GLDN: variants seen among roughly 807,000 people sequenced by gnomAD.
The protein encoded by GLDN is collomin.
GLDN carries 47 observed loss-of-function variants against 56.5 expected under a neutral mutation model. The ratio of observed to expected loss-of-function variants is 0.83; its 90% confidence interval spans 0.66 to 1.06. The LOEUF is 1.06. Among genes scored for constraint, GLDN ranks in the 50% least tolerant of loss-of-function variants. The pLI is 0.00. For missense variants in GLDN, 782 were observed against 714.3 expected, an observed-to-expected ratio of 1.09 and a Z score of -1.08; for synonymous variants, 332 against 278.8, an observed-to-expected ratio of 1.19 and a Z score of -1.90.
At chr15:51,373,815 C>G (rs1281060806) in intron 1 of GLDN, among the ~76,000 whole-genome samples, 2 of 152,232 alleles carry the variant, frequency 1.3e-5, no homozygotes, top group Non-Finnish European at 2.9e-5. Flanking sequence ...TCTAAGGACT[C>G]TTCCAGCTTC....
chr15:51,396,064 A>G (rs1346283507), intron 5 of GLDN, among the ~76,000 whole-genome samples: 1 of 152,188 alleles, frequency 6.6e-6, no homozygotes, highest in African/African-American at 2.4e-5. Context: ...CCCCACCTCC[A>G]ACACTGGGGA....
At chr15:51,342,358 A>T (rs907082127) in intron 1 of GLDN, among the ~76,000 whole-genome samples, 2 of 152,178 alleles carry the variant, frequency 1.3e-5, no homozygotes, top group Non-Finnish European at 2.9e-5. Context: ...AGCTTAGACA[A>T]GTTTTCGTCT....
intron 9 of GLDN, among the ~76,000 whole-genome samples, chr15:51,402,549 CCTT>C (rs796516681): frequency 1.8e-4 from 27 of 152,332 alleles, no homozygotes; most frequent in African/African-American, 6.5e-4. Context: ...GCCTCTGAGT[CCTT>C]CTAGCTCTTC....
At position 51,341,728 on chromosome 15, in the gene GLDN, G is replaced by A. The variant is rs751564336; in HGVS notation, c.44G>A (p.Gly15Asp). 1.4e-6 allele frequency: 2 copies of A among 1,452,034 alleles called. No homozygotes were observed. Among genetic ancestry groups the A allele is most frequent in the East Asian group, 2.8e-5 (1 of 35,182 alleles). The allele number at this position is 1,452,034 out of a possible 1,614,324, so 89.9% of individuals were successfully genotyped here. Residue 15 changes from glycine to aspartate, a missense_variant, in exon 1 of 10, where the codon GGC (glycine) becomes GAC (aspartate). Gly to Asp is a moderately conservative substitution (Grantham distance 94). Transcript: ENST00000335449. ...GGAGGCCGTGGGGACGCGGGTTGGG[G>A]CCTGCGTGGCGCCCTGGCGGCCGTG... Reference protein sequence around the residue: ...AEGGRGDAGWGLRGALAAVAL... With the variant: ...AEGGRGDAGWDLRGALAAVAL...
At chr15:51,342,175 G>A (rs1236823315) in intron 1 of GLDN, 128 bp downstream of exon 1, 1 of 1,196,632 alleles carries the variant, frequency 8.4e-7, no homozygotes, top group African/African-American at 1.6e-5. Context: ...CTGTGGGCAT[G>A]AGTAGCTGGG....
At chr15:51,400,303 A>T in intron 7 of GLDN, 28 bp downstream of exon 7, 1 of 1,614,176 alleles carries the variant, frequency 6.2e-7, no homozygotes, top group Non-Finnish European at 8.5e-7. Context: ...CCTGTCTTGA[A>T]ATTCAGAAAT....
chr15:51,358,830 TCC>T (rs2037236418), intron 1 of GLDN, among the ~76,000 whole-genome samples: 1 of 152,190 alleles, frequency 6.6e-6, no homozygotes, highest in African/African-American at 2.4e-5. Flanking sequence ...AATAGCCTCT[TCC>T]CGGAGGAGAG....
intron 1 of GLDN, among the ~76,000 whole-genome samples, chr15:51,375,753 G>A (rs1168325250): frequency 6.6e-6 from 1 of 152,214 alleles, no homozygotes; most frequent in Non-Finnish European, 1.5e-5. Flanking sequence ...CAGGGACTGA[G>A]CAGGTGCATT....
At chr15:51,383,975 A>G (rs747855607) in intron 4 of GLDN, 83 bp downstream of exon 4, 5 of 1,039,686 alleles carry the variant, frequency 4.8e-6, no homozygotes, top group Non-Finnish European at 7.4e-6. Context: ...TGTGTGCAGC[A>G]GGGGTAAGGT....
chr15:51,398,136 A>G (rs1213224542), intron 6 of GLDN, among the ~76,000 whole-genome samples: 1 of 152,234 alleles, frequency 6.6e-6, no homozygotes, highest in Non-Finnish European at 1.5e-5. Flanking sequence ...AGAGCTAAGG[A>G]ACTTGCCCAA....
At chr15:51,389,256 T>A (rs1479772681) in intron 4 of GLDN, among the ~76,000 whole-genome samples, 5 of 152,234 alleles carry the variant, frequency 3.3e-5, no homozygotes, top group Admixed American at 6.5e-5. Context: ...TAGATTTTAT[T>A]ATTCATGACA....
chr15:51,365,416 T>G (rs1336895881), intron 1 of GLDN, among the ~76,000 whole-genome samples: 1 of 152,236 alleles, frequency 6.6e-6, no homozygotes, highest in Non-Finnish European at 1.5e-5. Context: ...ATTATAATGT[T>G]TATTGAGAAT....
chr15:51,385,748 G>T (rs2037877725), intron 4 of GLDN, among the ~76,000 whole-genome samples: 1 of 152,100 alleles, frequency 6.6e-6, no homozygotes, highest in Non-Finnish European at 1.5e-5. Context: ...GAGGGCTCTG[G>T]GCAGAGTGTG....
intron 1 of GLDN, among the ~76,000 whole-genome samples, chr15:51,343,069 T>C (rs528556368): frequency 6.6e-6 from 1 of 152,368 alleles, no homozygotes; most frequent in East Asian, 1.9e-4. Context: ...TTTCACTTTA[T>C]AATTAGAAAG....
At chr15:51,347,168 T>G (rs1056231178) in intron 1 of GLDN, among the ~76,000 whole-genome samples, 2 of 152,168 alleles carry the variant, frequency 1.3e-5, no homozygotes, top group African/African-American at 2.4e-5. Context: ...TTAAAAAAAT[T>G]TAATAGGAAA....
intron 9 of GLDN, among the ~76,000 whole-genome samples, chr15:51,402,521 A>G (rs1248886015): frequency 6.6e-6 from 1 of 152,180 alleles, no homozygotes; most frequent in Non-Finnish European, 1.5e-5. Context: ...TCAACTAAAA[A>G]CAAAAAGATG....
rs1457733825 is a variant in GLDN, at chr15:51,405,641, A to C, written c.*887A>C. The C allele has an allele frequency of 1.3e-5, 2 of 152,192 alleles. No individual in the cohort carries two copies. Among genetic ancestry groups the C allele is most frequent in the Non-Finnish European group, 2.9e-5 (2 of 68,036 alleles). The allele number at this position is 152,192 out of a possible 1,614,324, so 9.4% of individuals were successfully genotyped here. ...TGTGGATCATGAACACTGAATCCTC[A>C]GATCACTCTGACTTCTTATGCTTCT... On this transcript the variant is annotated 3_prime_UTR_variant, in exon 10 of 10. Transcript: ENST00000335449.
At chr15:51,359,680 A>C (rs1391713280) in intron 1 of GLDN, among the ~76,000 whole-genome samples, 1 of 152,210 alleles carries the variant, frequency 6.6e-6, no homozygotes, top group Non-Finnish European at 1.5e-5. Context: ...GGGAGGCATT[A>C]AGAATGCATA....
intron 1 of GLDN, among the ~76,000 whole-genome samples, chr15:51,370,439 C>A (rs1047110215): frequency 6.6e-6 from 1 of 152,164 alleles, no homozygotes; most frequent in Non-Finnish European, 1.5e-5. Flanking sequence ...AAATAAAAGT[C>A]TTATGGCTAA....
Sources: gnomAD v4.1 joint callset for allele counts (sites outside exome capture counted in the v4.1 genomes callset) on GRCh38, gnomAD v4.1.1 for gene constraint, MANE v1.5 for transcripts, NCBI Gene and HGNC (gene_info 2026-07-23, HGNC 2026-07-21) for gene names.